NTRK1: variants seen among roughly 807,000 people sequenced by gnomAD.
NTRK1 encodes the protein neurotrophic receptor tyrosine kinase 1.
A neutral mutation model predicts 86.8 loss-of-function variants in NTRK1; 62 were observed. The observed-to-expected ratio is 0.71, with a 90% CI of 0.58 to 0.88. NTRK1 has a LOEUF of 0.88. Ranked by LOEUF, NTRK1 falls within the 40% of genes least tolerant of loss-of-function variation. The probability of loss-of-function intolerance (pLI) is 0.00; values close to 1 mark genes in which losing one functional copy is unlikely to be tolerated. For missense variants in NTRK1, 967 were observed against 1,078.4 expected, an observed-to-expected ratio of 0.90 and a Z score of 1.45; for synonymous variants, 469 against 456.6, an observed-to-expected ratio of 1.03 and a Z score of -0.35.
intron 1 of NTRK1, among the ~76,000 whole-genome samples, chr1:156,835,796 T>G (rs993445819): frequency 5.0e-4 from 76 of 152,338 alleles, no homozygotes; most frequent in African/African-American, 1.8e-3. Flanking sequence ...ATTATCTTAT[T>G]TCAGCTCTTG....
intron 6 of NTRK1, among the ~76,000 whole-genome samples, chr1:156,871,240 T>G (rs1647528037): frequency 6.6e-6 from 1 of 152,162 alleles, no homozygotes; most frequent in South Asian, 2.1e-4. Flanking sequence ...TGGTTAGATT[T>G]TAGATTTTTC....
chr1:156,872,922 C>G (rs947193617), intron 7 of NTRK1, among the ~76,000 whole-genome samples: 2 of 151,960 alleles, frequency 1.3e-5, no homozygotes, highest in Admixed American at 6.6e-5. Flanking sequence ...CGTGATCCGC[C>G]CGCCTCGGCC....
intron 1 of NTRK1, among the ~76,000 whole-genome samples, chr1:156,825,515 GC>G (rs1220822941): frequency 1.3e-5 from 2 of 152,186 alleles, no homozygotes; most frequent in African/African-American, 4.8e-5. Context: ...CCTACTGTCT[GC>G]TTTCAGGGAA....
intron 2 of NTRK1, chr1:156,844,736 A>G: frequency 6.2e-7 from 1 of 1,614,050 alleles, no homozygotes; most frequent in Non-Finnish European, 8.5e-7. Context: ...TTGATTTCGT[A>G]CTTGAGGATG....
At chr1:156,868,345 G>A (rs1647298567) in intron 5 of NTRK1, 96 bp downstream of exon 5, 3 of 1,557,612 alleles carry the variant, frequency 1.9e-6, no homozygotes, top group Admixed American at 1.9e-5. Flanking sequence ...AAAGGCCTGG[G>A]GAATGGGCAC....
chr1:156,879,994 G>C lies in NTRK1; in HGVS notation c.2047-5G>C. 1 of 1,612,622 alleles carries C rather than the reference G, an allele frequency of 6.2e-7. No individual in the cohort carries two copies. The highest frequency in any genetic ancestry group is 1.1e-5 in the South Asian group (1 of 91,062). Reference sequence around the variant, plus strand: ...TGGAATTGATGCAGTGTCCGCCCGTGGCAGGTGGGAGGCCGCACCATGCTG... The same window carrying C: ...TGGAATTGATGCAGTGTCCGCCCGTCGCAGGTGGGAGGCCGCACCATGCTG... On this transcript the variant is annotated splice_region_variant and splice_polypyrimidine_tract_variant and intron_variant, in intron 15 of 16. Coordinates refer to ENST00000524377, the MANE Select transcript of NTRK1 (RefSeq NM_002529.4).
intron 2 of NTRK1, chr1:156,851,510 G>T (rs773632282): frequency 1.9e-6 from 3 of 1,603,684 alleles, no homozygotes; most frequent in Admixed American, 1.7e-5. Flanking sequence ...CTGAATGGGG[G>T]CCCCGGGAAG....
At chr1:156,851,661 T>G (rs1380026694) in intron 2 of NTRK1, 1 of 1,613,994 alleles carries the variant, frequency 6.2e-7, no homozygotes, top group Non-Finnish European at 8.5e-7. Flanking sequence ...TGGCGAAGGT[T>G]GAGGATGAGG....
intron 7 of NTRK1, 104 bp from the exon 8 acceptor site, chr1:156,873,529 T>G: frequency 1.1e-6 from 1 of 928,132 alleles, no homozygotes; most frequent in Non-Finnish European, 1.7e-6. Context: ...GGCCTGCCCT[T>G]TGATTTCGGG....
At chr1:156,864,931 TCTC>T in intron 3 of NTRK1, 132 bp downstream of exon 3, 1 of 866,514 alleles carries the variant, frequency 1.2e-6, no homozygotes, top group East Asian at 2.6e-5. Flanking sequence ...ACCTCACCAT[TCTC>T]CTGGGGCTTC....
At position 156,879,501 on chromosome 1, in the gene NTRK1, C is replaced by G. The variant is rs978391980; in HGVS notation, c.2046+139C>G. On this transcript the variant is annotated intron_variant, in intron 15 of 16. Coordinates refer to ENST00000524377, the MANE Select transcript of NTRK1 (RefSeq NM_002529.4). Reference sequence around the variant, plus strand: ...ACTGGCTCTGGTTTTCAACCTACCTCCTCGGCTCCTGGTGGAGGGGGCTCT... The same window carrying G: ...ACTGGCTCTGGTTTTCAACCTACCTGCTCGGCTCCTGGTGGAGGGGGCTCT... 29 of 1,160,752 alleles carry G rather than the reference C, an allele frequency of 2.5e-5. No individual in the cohort carries two copies. The South Asian group carries it at 4.7e-4, about 19-fold the overall frequency. 71.9% of individuals were successfully genotyped at this position (1,160,752 alleles called of 1,614,324 possible).
Position 156,881,493 on chromosome 1 carries a change from C to G in NTRK1, c.2242C>G (p.Arg748Gly), listed in dbSNP as rs778520978. 6.3e-7 allele frequency: 1 copy of G among 1,586,998 alleles called. No homozygotes were observed. Among genetic ancestry groups the G allele is most frequent in the Non-Finnish European group, 8.6e-7 (1 of 1,166,776 alleles). The change falls in exon 17 of 17, where the codon CGG becomes GGG. Residue 748 changes from arginine to glycine, a missense_variant. Coordinates refer to ENST00000524377, the MANE Select transcript of NTRK1 (RefSeq NM_002529.4). The stretch of plus-strand genomic sequence containing the variant: ...CATCACGCAGGGACGTGAGTTGGAG[C>G]GGCCACGTGCCTGCCCACCAGAGGT... The part of the protein sequence containing the change: ...DCITQGRELE[R>G]PRACPPEVYA...
chr1:156,871,709 G>A lies in NTRK1; in HGVS notation c.804G>A (p.Glu268=), dbSNP rs1469301883. 1.2e-6 allele frequency: 2 copies of A among 1,614,214 alleles called. No individual in the cohort carries two copies. The highest frequency in any genetic ancestry group is 1.7e-6 in the Non-Finnish European group (2 of 1,180,048). ...GGAAGAACGTGACGTGCTGGGCAGAGAACGATGTGGGCCGGGCAGAGGTCT... is the reference window on the plus strand; with the variant it reads ...GGAAGAACGTGACGTGCTGGGCAGAAAACGATGTGGGCCGGGCAGAGGTCT... The part of the protein sequence containing the change: ...LNRKNVTCWA[E]NDVGRAEVSV... Residue 268 remains glutamate (E), a synonymous_variant, in exon 7 of 17, where the codon GAG becomes GAA. Coordinates refer to ENST00000524377, the MANE Select transcript of NTRK1 (RefSeq NM_002529.4).
rs763491847 is a variant in NTRK1, at chr1:156,849,352, C to T, written c.50+7159C>T. 5.0e-6 allele frequency: 8 copies of T among 1,613,876 alleles called. No homozygotes were observed. In the South Asian group the frequency reaches 8.8e-5, roughly 18 times the overall value. Reference sequence around the variant, plus strand: ...GGTAGATGTGTTCCAAGCAGAGGCGCGGGTTGAAGGCGAAGTAGATCTTGC... The same window carrying T: ...GGTAGATGTGTTCCAAGCAGAGGCGTGGGTTGAAGGCGAAGTAGATCTTGC... On this transcript the variant is annotated intron_variant, in intron 2 of 16. Transcript: ENST00000392302.
chr1:156,862,494 G>A (rs768997473), intron 1 of NTRK1, among the ~76,000 whole-genome samples: 8 of 152,188 alleles, frequency 5.3e-5, no homozygotes, highest in Non-Finnish European at 8.8e-5. Flanking sequence ...AGGGATGGGA[G>A]TGGTAGGGGG....
intron 12 of NTRK1, 24 bp downstream of exon 12, chr1:156,875,690 G>A: frequency 1.9e-6 from 3 of 1,594,856 alleles, no homozygotes; most frequent in African/African-American, 1.4e-5. Flanking sequence ...CTGGGTCAAG[G>A]GCAGGGACGA....
At position 156,864,408 on chromosome 1, in the gene NTRK1, C is replaced by T. The variant is rs1402854459; in HGVS notation, c.267C>T (p.Gly89=). The T allele has an allele frequency of 1.2e-6, 2 of 1,614,002 alleles. No individual in the cohort carries two copies. The highest frequency in any genetic ancestry group is 1.7e-6 in the Non-Finnish European group (2 of 1,179,978). ...ATCTGGAGCTCCGTGATCTGAGGGG[C>T]CTGGGGGAGCTGAGAAACCTGTGAG... is the stretch of plus-strand genomic sequence containing the variant. ...LQHLELRDLR[G]LGELRNLTIV... is the part of the protein sequence containing the mutation. The change falls in exon 2 of 17, where the codon GGC becomes GGT. Residue 89 remains glycine, a synonymous_variant. Transcript: ENST00000524377.
Position 156,864,848 on chromosome 1 carries a change from C to T in NTRK1, c.359+49C>T, listed in dbSNP as rs1413248963. 6.4e-6 allele frequency: 10 copies of T among 1,565,786 alleles called. No individual in the cohort carries two copies. The South Asian group carries it at 9.2e-5, about 14-fold the overall frequency. On this transcript the variant is annotated intron_variant, in intron 3 of 16. Coordinates refer to ENST00000524377, the MANE Select transcript of NTRK1 (RefSeq NM_002529.4). ...GTGGGAGTTGGGGAGGACACCCAGA[C>T]TTGGGCTGCTAATGGGCTTGGCTGT... is the stretch of plus-strand genomic sequence containing the variant.
chr1:156,863,430 CTT>C (rs1240556201), intron 1 of NTRK1, among the ~76,000 whole-genome samples: 4 of 152,090 alleles, frequency 2.6e-5, no homozygotes, highest in Non-Finnish European at 4.4e-5. Context: ...CTCTCTCTCT[CTT>C]GCTGTGTAAG....
Sources: allele counts gnomAD v4.1 joint callset (sites outside exome capture counted in the v4.1 genomes callset), GRCh38; gene constraint gnomAD v4.1.1; transcripts MANE v1.5; gene names NCBI Gene and HGNC (gene_info 2026-07-23, HGNC 2026-07-21).